Variants in MCRIP1 observed in about 807,000 individuals in gnomAD.
MCRIP1 encodes the protein MAPK regulated corepressor interacting protein 1, also known as mapk-regulated corepressor-interacting protein 1.
Under a neutral mutation model 14.4 loss-of-function variants are expected in MCRIP1, and 10 were observed. The ratio of observed to expected loss-of-function variants is 0.70; its 90% confidence interval spans 0.43 to 1.18. The LOEUF (loss-of-function observed/expected upper bound fraction) is 1.18, where lower values mean the gene tolerates loss of function less well. MCRIP1 is among the 50% of genes most tolerant of loss of function. The pLI is 0.00. For missense variants in MCRIP1, 119 were observed against 135.4 expected (o/e 0.88, Z 0.60); for synonymous variants, 53 against 55.7 (o/e 0.95, Z 0.21).
rs1486826784 is a variant in MCRIP1 at position 81,822,918 on chromosome 17, C to A, written c.*329G>T. 2.0e-6 allele frequency: 1 copy of A among 500,964 alleles called. No individual in the cohort carries two copies. Among genetic ancestry groups the A allele is most frequent in the Non-Finnish European group, 3.6e-6 (1 of 277,476 alleles). The allele number at this position is 500,964 out of a possible 1,614,324, so 31.0% of individuals were successfully genotyped here. A position where few individuals can be genotyped will look rare whatever the true frequency, so the allele number is the denominator to read the frequency against. ...TCTCCCCTCCTGATCCTGCAGTGGC[C>A]AGGGGCAGGAGGGTGAGGGGAGAGG... is the stretch of plus-strand genomic sequence containing the variant. On this transcript the variant is annotated 3_prime_UTR_variant, in exon 5 of 5. Coordinates refer to ENST00000455127, the MANE Select transcript of MCRIP1 (RefSeq NM_207368.5).
In MCRIP1 at chr17:81,824,272, GGCAGGC is replaced by G. The variant is rs2038336320; in HGVS notation, c.127+9_127+14del. The G allele has an allele frequency of 2.5e-5, 38 of 1,522,872 alleles. No homozygotes were observed. The highest frequency in any genetic ancestry group is 3.1e-5 in the Non-Finnish European group (35 of 1,134,716). 94.3% of individuals were successfully genotyped at this position (1,522,872 alleles called of 1,614,324 possible). On this transcript the variant is annotated intron_variant, in intron 3 of 4. Coordinates refer to ENST00000455127, the MANE Select transcript of MCRIP1 (RefSeq NM_207368.5). ...CAAGGACAGGGCAGGAGCTGTGTGT[GGCAGGC>G]GCACCCACCTTCGTAAATGAAGCGG...
intron 3 of MCRIP1, among the ~76,000 whole-genome samples, chr17:81,824,045 C>A (rs1394095659): frequency 6.6e-6 from 1 of 152,236 alleles, no homozygotes; most frequent in African/African-American, 2.4e-5. Flanking sequence ...GGCCCACCCC[C>A]AGCCCCTCCT....
chr17:81,825,990 G>A, intron 1 of MCRIP1: 2 of 1,346,724 alleles, frequency 1.5e-6, no homozygotes, highest in South Asian at 1.2e-5. Context: ...CCCCCTGCTG[G>A]CTCTCACCAC....
chr17:81,825,852 C>A (rs1407826839), intron 1 of MCRIP1: 2 of 1,289,842 alleles, frequency 1.6e-6, no homozygotes, highest in South Asian at 1.2e-5. Context: ...CCCACGAACA[C>A]CAGAGCACGG....
intron 1 of MCRIP1, 152 bp from the exon 2 acceptor site, chr17:81,824,706 G>C: frequency 6.9e-7 from 1 of 1,456,596 alleles, no homozygotes; most frequent in Non-Finnish European, 9.1e-7. Context: ...ACAGGCTGGG[G>C]TCCAGCCACA....
At chr17:81,829,728 G>A (rs2038480502) in intron 1 of MCRIP1, among the ~76,000 whole-genome samples, 1 of 152,094 alleles carries the variant, frequency 6.6e-6, no homozygotes. Flanking sequence ...CAGGCTACAT[G>A]GTCTTTAGGT....
chr17:81,833,251 G>C lies in MCRIP1; in HGVS notation c.-62C>G, dbSNP rs892249308. ...CACCCGCCTCACCTCGCCCCGACCC[G>C]CCGCCACCGCCTCTTCCAGCTGGGA... On this transcript the variant is annotated 5_prime_UTR_variant, in exon 1 of 5. Coordinates refer to ENST00000455127, the MANE Select transcript of MCRIP1 (RefSeq NM_207368.5). 2.7e-5 allele frequency: 4 copies of C among 149,484 alleles called. No individual in the cohort carries two copies. The highest frequency in any genetic ancestry group is 7.3e-5 in the African/African-American group (3 of 40,954). 9.3% of individuals were successfully genotyped at this position (149,484 alleles called of 1,614,324 possible).
intron 1 of MCRIP1, among the ~76,000 whole-genome samples, chr17:81,831,601 G>A (rs1370083801): frequency 6.6e-6 from 1 of 152,130 alleles, no homozygotes; most frequent in Non-Finnish European, 1.5e-5. Flanking sequence ...CAGCCACCAC[G>A]CTGGGCCCTT....
chr17:81,825,111 T>C (rs2038362291), intron 1 of MCRIP1: 33 of 1,012,912 alleles, frequency 3.3e-5, no homozygotes, highest in Non-Finnish European at 3.3e-5. Flanking sequence ...AGCTTCCTGG[T>C]TCCCTAGAGC....
chr17:81,824,628 G>A, intron 1 of MCRIP1, 74 bp from the exon 2 acceptor site: 1 of 1,531,710 alleles, frequency 6.5e-7, no homozygotes. Context: ...GAGGCGCAGG[G>A]CACACCTGCC....
In MCRIP1 at chr17:81,822,540, C is replaced by G. The variant is rs138026530; in HGVS notation, c.*707G>C. ...CTCCCAGCACACCCCAGAGCCAAGA[C>G]AGACCCAGCAGCAGCACCTCAGGGT... On this transcript the variant is annotated 3_prime_UTR_variant, in exon 5 of 5. Coordinates refer to ENST00000455127, the MANE Select transcript of MCRIP1 (RefSeq NM_207368.5). 4,692 of 153,280 alleles carry G rather than the reference C, an allele frequency of 0.031. 251 individuals are homozygous for G. The highest frequency in any genetic ancestry group is 0.11 in the African/African-American group (4,468 of 41,566). The allele number at this position is 153,280 out of a possible 1,614,324, so 9.5% of individuals were successfully genotyped here.
chr17:81,825,711 AGGCCAGGAGTGAGGTCCAAAAAG>A (rs1007258239), intron 1 of MCRIP1: 8 of 1,289,258 alleles, frequency 6.2e-6, no homozygotes, highest in Middle Eastern at 2.1e-4. Flanking sequence ...GCCCCATCCC[AGGCCAGGAGTGAGGTCCAAAAAG>A]GGCCAGGGGC....
intron 1 of MCRIP1, among the ~76,000 whole-genome samples, chr17:81,829,769 C>T (rs1261168454): frequency 6.6e-6 from 1 of 152,142 alleles, no homozygotes; most frequent in Non-Finnish European, 1.5e-5. Context: ...AAGTCTTCCA[C>T]ATCCCACGCC....
Position 81,823,377 on chromosome 17 carries a change from G to A in MCRIP1, c.229+35C>T, listed in dbSNP as rs553490955. 9.0e-5 allele frequency: 139 copies of A among 1,536,160 alleles called. No homozygotes were observed. The South Asian group carries it at 1.2e-3, about 13-fold the overall frequency. ...TCCTGCCCATGAGGCCCGGCCTGCC[G>A]GCCCAGCCCTGCCCCCAGGTCAGCC... On this transcript the variant is annotated intron_variant, in intron 4 of 4. Coordinates refer to ENST00000455127, the MANE Select transcript of MCRIP1 (RefSeq NM_207368.5). The surrounding 1 kb of genome is among the most constrained non-coding windows in gnomAD (Gnocchi z 6.0).
chr17:81,824,355 CG>C lies in MCRIP1; in HGVS notation c.58del (p.Arg20AlafsTer56). On this transcript the variant is annotated frameshift_variant, in exon 3 of 5. Coordinates refer to ENST00000455127, the MANE Select transcript of MCRIP1 (RefSeq NM_207368.5). LOFTEE classifies it high-confidence loss of function. ...GATCTCGCTGCTGCTGGGTGGGGAG[CG>C]GGGGCTGCTGGTCCTCTTGCCGTTG... is the stretch of plus-strand genomic sequence containing the variant. ...VYNGKRTSSP[R>X]SPPSSSEIFT... 6.6e-7 allele frequency: 1 copy of C among 1,517,156 alleles called. No individual in the cohort carries two copies. The highest frequency in any genetic ancestry group is 8.8e-7 in the Non-Finnish European group (1 of 1,136,694). The allele number at this position is 1,517,156 out of a possible 1,614,324, so 94.0% of individuals were successfully genotyped here.
Position 81,822,874 on chromosome 17 carries a change from G to A in MCRIP1, c.*373C>T, listed in dbSNP as rs2038296395. ...CCAGCCCAGTCCCAGCAGCCTGGGA[G>A]GCAGCAGAGGCTCCTTCTTCTCCCC... is the stretch of plus-strand genomic sequence containing the variant. On this transcript the variant is annotated 3_prime_UTR_variant, in exon 5 of 5. Transcript: ENST00000455127. The A allele has an allele frequency of 2.5e-6, 1 of 398,728 alleles. No individual in the cohort carries two copies. The highest frequency in any genetic ancestry group is 4.6e-6 in the Non-Finnish European group (1 of 215,514). The allele number at this position is 398,728 out of a possible 1,614,324, so 24.7% of individuals were successfully genotyped here.
intron 1 of MCRIP1, chr17:81,824,915 T>A (rs1477117117): frequency 8.6e-7 from 1 of 1,162,880 alleles, no homozygotes; most frequent in African/African-American, 1.6e-5. Context: ...GGTGGGGCCG[T>A]CAGCATCTCT....
rs562382918 is a variant in MCRIP1 at position 81,823,530 on chromosome 17, T to C, written c.128-17A>G. 2.5e-3 allele frequency: 3,808 copies of C among 1,534,546 alleles called. 7 individuals are homozygous for C. Among genetic ancestry groups the C allele is most frequent in the Non-Finnish European group, 2.6e-3 (2,936 of 1,145,904 alleles). On this transcript the variant is annotated splice_polypyrimidine_tract_variant and intron_variant, in intron 3 of 4. Coordinates refer to ENST00000455127, the MANE Select transcript of MCRIP1 (RefSeq NM_207368.5). The surrounding 1 kb of genome is among the most constrained non-coding windows in gnomAD (Gnocchi z 6.0). ...CCTGCCAGGCTGCAGAGGCAGAGAG[T>C]GGTGTGCTCAGGGCCCCCTGCCCCA... is the stretch of plus-strand genomic sequence containing the variant.
intron 1 of MCRIP1, among the ~76,000 whole-genome samples, chr17:81,828,550 C>A (rs113312308): frequency 1.3e-5 from 2 of 151,872 alleles, no homozygotes; most frequent in Non-Finnish European, 2.9e-5. Context: ...GAATTTCACT[C>A]GTAATTACCC....
Sources: allele counts gnomAD v4.1 joint callset (sites outside exome capture counted in the v4.1 genomes callset), GRCh38; gene constraint gnomAD v4.1.1; non-coding constraint Gnocchi (gnomAD v3.1); transcripts MANE v1.5; gene names NCBI Gene and HGNC (gene_info 2026-07-23, HGNC 2026-07-21).